The following TMPRSS7 variants were observed in gnomAD, a reference collection of about 807,000 sequenced individuals.
The protein encoded by TMPRSS7 is transmembrane protease serine 7.
In TMPRSS7, 81 loss-of-function variants were observed where a neutral mutation model predicts 95.6. The ratio of observed to expected loss-of-function variants is 0.85; its 90% CI spans 0.71 to 1.02. The LOEUF is 1.02. TMPRSS7 is among the 50% of genes least tolerant of loss of function. TMPRSS7 has a pLI of 0.00. For missense variants in TMPRSS7, 945 were observed against 955.2 expected (o/e 0.99, Z 0.14); for synonymous variants, 364 against 337.8 (o/e 1.08, Z -0.85).
chr3:112,071,654 C>G (rs1287102490), intron 13 of TMPRSS7, among the ~76,000 whole-genome samples: 1 of 152,144 alleles, frequency 6.6e-6, no homozygotes, highest in Non-Finnish European at 1.5e-5. Context: ...TCTTTTTACT[C>G]TTTCTTCTCT....
intron 3 of TMPRSS7, 55 bp from the exon 4 acceptor site, chr3:112,044,200 T>C: frequency 7.8e-7 from 1 of 1,286,964 alleles, no homozygotes; most frequent in Non-Finnish European, 1.1e-6. Context: ...TTTAAGATAC[T>C]GTAAAAGGAA....
At chr3:112,037,486 G>A (rs2107734381) in intron 1 of TMPRSS7, among the ~76,000 whole-genome samples, 1 of 152,274 alleles carries the variant, frequency 6.6e-6, no homozygotes, top group South Asian at 2.1e-4. Context: ...GACAATGTGT[G>A]CCCAGCAGGA....
In TMPRSS7 at chr3:112,074,333, T is replaced by A; in HGVS notation, c.1704T>A (p.Asn568Lys). ...ACAACAGAACTTTTAAGTGTGGCAA[T>A]GATATTTGCTTTAGGAAACAAAATG... The change falls in exon 14 of 18, where the codon AAT (asparagine) becomes AAA (lysine). Residue 568 changes from asparagine (N) to lysine (K), a missense_variant. Asn to Lys is a moderately conservative substitution (Grantham distance 94, BLOSUM62 0). Coordinates refer to ENST00000452346, the Ensembl canonical transcript of TMPRSS7. 6.2e-7 allele frequency: 1 copy of A among 1,614,128 alleles called. No homozygotes were observed. The highest frequency in any genetic ancestry group is 1.7e-5 in the Admixed American group (1 of 60,032).
intron 1 of TMPRSS7, among the ~76,000 whole-genome samples, chr3:112,037,663 T>C (rs189491277): frequency 3.9e-5 from 6 of 152,348 alleles, no homozygotes; most frequent in Admixed American, 3.9e-4. Context: ...TTGCTGGTTT[T>C]GTGGCTGAGG....
At chr3:112,043,622 T>C (rs2073239187) in intron 3 of TMPRSS7, among the ~76,000 whole-genome samples, 1 of 152,180 alleles carries the variant, frequency 6.6e-6, no homozygotes, top group African/African-American at 2.4e-5. Flanking sequence ...TCAAATTACA[T>C]AGGAAGGGGA....
At position 112,052,473 on chromosome 3, in the gene TMPRSS7, T is replaced by TA. The variant is rs538788382; in HGVS notation, c.1203+1699dup. 4.9e-3 allele frequency among the ~76,000 whole-genome samples: 735 copies of TA among 151,116 alleles called. 11 individuals carry two copies. Among genetic ancestry groups the TA allele is most frequent in the African/African-American group, 0.016 (679 of 41,228 alleles). On this transcript the variant is annotated intron_variant, in intron 9 of 17. Coordinates refer to ENST00000452346, the Ensembl canonical transcript of TMPRSS7. ...CCCTGATGGCATGTGTCCTTAAATT[T>TA]AAAAAAAAATCATTATTACAAATAT...
exon 12 of TMPRSS7, chr3:112,063,552 C>T: frequency 1.2e-6 from 2 of 1,613,978 alleles, no homozygotes; most frequent in Non-Finnish European, 1.7e-6. Flanking sequence ...TTTAGATGCT[C>T]CTCCGGTTTA....
intron 2 of TMPRSS7, 51 bp from the exon 3 acceptor site, chr3:112,041,869 C>T: frequency 8.1e-7 from 1 of 1,234,248 alleles, no homozygotes; most frequent in South Asian, 1.3e-5. Context: ...CAATTCCTTA[C>T]TGCCACACAG....
intron 1 of TMPRSS7, among the ~76,000 whole-genome samples, chr3:112,036,375 C>A (rs1453767853): frequency 6.6e-6 from 1 of 152,156 alleles, no homozygotes; most frequent in Non-Finnish European, 1.5e-5. Context: ...TCAAGACCAA[C>A]CTGACCAACA....
chr3:112,066,189 A>G (rs1373236183), intron 12 of TMPRSS7, among the ~76,000 whole-genome samples: 1 of 152,254 alleles, frequency 6.6e-6, no homozygotes, highest in African/African-American at 2.4e-5. Flanking sequence ...AGCAAAAATC[A>G]GATCTGACAA....
At chr3:112,061,415 A>G (rs1421529202) in intron 10 of TMPRSS7, among the ~76,000 whole-genome samples, 1 of 152,072 alleles carries the variant, frequency 6.6e-6, no homozygotes, top group East Asian at 1.9e-4. Flanking sequence ...GATTGAATGA[A>G]CTCCACTTTG....
rs114229776 is a variant in TMPRSS7, at chr3:112,063,919, G to C, written c.1555+287G>C. Among the ~76,000 whole-genome samples, 307 of 152,304 alleles carry C rather than the reference G, an allele frequency of 2.0e-3. 1 individual carries two copies. The highest frequency in any genetic ancestry group is 7.0e-3 in the African/African-American group (291 of 41,566). ...ATTGGAATCAGCTCTACTTTTGATG[G>C]CTCTTTTCCTCATTGAGCCAGTGGG... On this transcript the variant is annotated intron_variant, in intron 12 of 17. Coordinates refer to ENST00000452346, the Ensembl canonical transcript of TMPRSS7.
exon 15 of TMPRSS7, chr3:112,075,463 T>G: frequency 6.6e-7 from 1 of 1,518,548 alleles, no homozygotes; most frequent in Non-Finnish European, 8.8e-7. Context: ...AGTGGCTTCT[T>G]TCTGCAGCCC....
intron 10 of TMPRSS7, among the ~76,000 whole-genome samples, chr3:112,058,190 A>C (rs1021205461): frequency 6.6e-6 from 1 of 152,230 alleles, no homozygotes; most frequent in Admixed American, 6.5e-5. Flanking sequence ...TTTCAGAACA[A>C]ACTTCTTTCA....
intron 15 of TMPRSS7, 33 bp from the exon 16 acceptor site, chr3:112,076,843 T>C: frequency 6.2e-7 from 1 of 1,601,514 alleles, no homozygotes; most frequent in South Asian, 1.1e-5. Context: ...TTCTTTAAGC[T>C]GCTAACTTTA....
chr3:112,050,347 T>C (rs1358104886), intron 8 of TMPRSS7, among the ~76,000 whole-genome samples: 5 of 152,120 alleles, frequency 3.3e-5, no homozygotes, highest in African/African-American at 1.2e-4. Flanking sequence ...CTCAGGCCTC[T>C]GAGGAGGGAT....
rs562874156 is a variant in TMPRSS7 at position 112,063,669 on chromosome 3, A to G, written c.1555+37A>G. On this transcript the variant is annotated intron_variant, in intron 12 of 17. Transcript: ENST00000452346. ...AGATTTTAATATGACTTTCTTATGA[A>G]TAAGTAACTTCTCAGGACCATGATT... The G allele has an allele frequency of 1.4e-5, 21 of 1,512,674 alleles. No homozygotes were observed. In the East Asian group the frequency reaches 4.7e-4, roughly 34 times the overall value. 93.7% of individuals were successfully genotyped at this position (1,512,674 alleles called of 1,614,324 possible).
intron 14 of TMPRSS7, 91 bp downstream of exon 14, chr3:112,074,503 T>C: frequency 1.1e-6 from 1 of 952,216 alleles, no homozygotes; most frequent in Non-Finnish European, 1.6e-6. Context: ...TGTATTTCCC[T>C]TGATCGAGGT....
intron 9 of TMPRSS7, among the ~76,000 whole-genome samples, chr3:112,054,082 G>A (rs536614960): frequency 1.3e-4 from 20 of 152,308 alleles, no homozygotes; most frequent in Admixed American, 1.0e-3. Flanking sequence ...CCAGAAGGGA[G>A]CTCCATTCCC....
Sources: gnomAD v4.1 joint callset for allele counts (sites outside exome capture counted in the v4.1 genomes callset) on GRCh38, gnomAD v4.1.1 for gene constraint, MANE v1.5 for transcripts, NCBI Gene and HGNC (gene_info 2026-07-23, HGNC 2026-07-21) for gene names.